EFNA4: variants seen among roughly 807,000 people sequenced by gnomAD.
EFNA4 encodes the protein ephrin-A4.
A neutral mutation model predicts 23.7 loss-of-function variants in EFNA4; 22 were observed. The ratio of observed to expected loss-of-function variants is 0.93; its 90% CI spans 0.66 to 1.32. The LOEUF (loss-of-function observed/expected upper bound fraction) is 1.32. Among genes scored for constraint, EFNA4 ranks in the 40% most tolerant of loss-of-function variants. EFNA4 has a pLI of 0.00. For missense variants in EFNA4, 252 were observed against 252.3 expected (o/e 1.00, Z 0.01); for synonymous variants, 113 against 108.3 (o/e 1.04, Z -0.27).
chr1:155,066,677 G>A, intron 1 of EFNA4, 53 bp from the exon 2 acceptor site: 1 of 1,517,480 alleles, frequency 6.6e-7, no homozygotes, highest in South Asian at 1.3e-5. Flanking sequence ...GGCATCCATG[G>A]CCATGGCGTG....
intron 1 of EFNA4, among the ~76,000 whole-genome samples, chr1:155,064,344 C>G (rs2102439149): frequency 6.6e-6 from 1 of 152,370 alleles, no homozygotes; most frequent in South Asian, 2.1e-4. Flanking sequence ...ACTCTCCTGC[C>G]CGCTGGGTCT....
At position 155,069,055 on chromosome 1, in the gene EFNA4, G is replaced by C. The variant is rs759796184; in HGVS notation, c.*66G>C. The C allele has an allele frequency of 6.2e-7, 1 of 1,611,816 alleles. No individual in the cohort carries two copies. The highest frequency in any genetic ancestry group is 1.1e-5 in the South Asian group (1 of 90,950). On this transcript the variant is annotated 3_prime_UTR_variant, in exon 4 of 4. Coordinates refer to ENST00000368409, the MANE Select transcript of EFNA4 (RefSeq NM_005227.3). ...CTCCCAAGATCCCCTGGAGGAGGAG[G>C]GATCCCTGCTGCCTGCACTGGGGGT...
chr1:155,065,194 G>A (rs1182981250), intron 1 of EFNA4, among the ~76,000 whole-genome samples: 1 of 152,192 alleles, frequency 6.6e-6, no homozygotes, highest in Non-Finnish European at 1.5e-5. Flanking sequence ...CTCAGCTTGC[G>A]TTCTAGTAAG....
At position 155,066,810 on chromosome 1, in the gene EFNA4, G is replaced by A. The variant is rs370756589; in HGVS notation, c.194G>A (p.Gly65Glu). The A allele has an allele frequency of 4.3e-6, 7 of 1,613,658 alleles. No individual in the cohort carries two copies. The African/African-American group carries it at 5.3e-5, about 12-fold the overall frequency. ...GTCTGCCCCCACTACGAAGGCCCAGGGCCCCCTGAGGGCCCCGAGACGTTT... is the reference window on the plus strand; with the variant it reads ...GTCTGCCCCCACTACGAAGGCCCAGAGCCCCCTGAGGGCCCCGAGACGTTT... Reference protein sequence around the residue: ...DIVCPHYEGPGPPEGPETFAL... With the variant: ...DIVCPHYEGPEPPEGPETFAL... Residue 65 changes from glycine (G) to glutamate (E), a missense_variant, in exon 2 of 4, where the codon GGG becomes GAG. Coordinates refer to ENST00000368409, the MANE Select transcript of EFNA4 (RefSeq NM_005227.3).
rs61811914 is a variant in EFNA4 at position 155,063,942 on chromosome 1, C to T, written c.113+6C>T. The T allele has an allele frequency of 6.5e-7, 1 of 1,538,214 alleles. No individual in the cohort carries two copies. The highest frequency in any genetic ancestry group is 8.7e-7 in the Non-Finnish European group (1 of 1,143,442). On this transcript the variant is annotated splice_donor_region_variant and intron_variant, in intron 1 of 3. Transcript: ENST00000368409. The surrounding 1 kb of genome is among the most constrained non-coding windows in gnomAD (Gnocchi z 4.1). ...TGGAACTCCAGTAACCCCAGGTAGC[C>T]GGGCCGAACCGGGCGAGCGCACAGC...
intron 1 of EFNA4, 139 bp downstream of exon 1, chr1:155,064,075 AG>A (rs1394881815): frequency 2.3e-5 from 5 of 218,586 alleles, no homozygotes; most frequent in South Asian, 4.7e-5. Context: ...CCGGCGGGGG[AG>A]GGGGGAGGGG....
chr1:155,064,935 A>G (rs1426303183), intron 1 of EFNA4, among the ~76,000 whole-genome samples: 1 of 152,230 alleles, frequency 6.6e-6, no homozygotes, highest in Non-Finnish European at 1.5e-5. Flanking sequence ...ACAGGTCATT[A>G]CAATACCAAT....
chr1:155,066,607 T>G (rs1273121940), intron 1 of EFNA4, 123 bp from the exon 2 acceptor site: 1 of 1,228,180 alleles, frequency 8.1e-7, no homozygotes, highest in African/African-American at 1.5e-5. Flanking sequence ...CTTCCTGAGC[T>G]GCTCCATCGC....
intron 1 of EFNA4, 27 bp from the exon 2 acceptor site, chr1:155,066,703 C>T: frequency 6.5e-7 from 1 of 1,543,180 alleles, no homozygotes; most frequent in South Asian, 1.3e-5. Flanking sequence ...CTCCACTCCT[C>T]AGCCCACCCC....
chr1:155,068,798 G>A (rs1663110919), intron 3 of EFNA4, 55 bp from the exon 4 acceptor site: 1 of 1,531,870 alleles, frequency 6.5e-7, no homozygotes, highest in African/African-American at 1.4e-5. Flanking sequence ...GGAAGGGGAG[G>A]AAGGAGGATG....
intron 1 of EFNA4, among the ~76,000 whole-genome samples, chr1:155,066,483 G>C (rs1338992391): frequency 6.6e-6 from 1 of 152,234 alleles, no homozygotes; most frequent in African/African-American, 2.4e-5. Context: ...CATCTAAGCT[G>C]TGTGGTTATG....
chr1:155,068,779 C>A, intron 3 of EFNA4, 74 bp from the exon 4 acceptor site: 1 of 1,468,396 alleles, frequency 6.8e-7, no homozygotes, highest in Non-Finnish European at 9.2e-7. Flanking sequence ...AAGGAGGGAA[C>A]TGCTAATGGG....
intron 3 of EFNA4, among the ~76,000 whole-genome samples, chr1:155,068,261 CTTT>C (rs35275098): frequency 8.3e-4 from 118 of 141,570 alleles, no homozygotes; most frequent in Middle Eastern, 3.5e-3. Context: ...TCACTGCACA[CTTT>C]TTTTTTTTTT....
Position 155,069,399 on chromosome 1 carries a change from C to T in EFNA4, c.*410C>T. On this transcript the variant is annotated 3_prime_UTR_variant, in exon 4 of 4. Coordinates refer to ENST00000368409, the MANE Select transcript of EFNA4 (RefSeq NM_005227.3). ...CCATCTGTGCCCTGTGGGCCTTTTC[C>T]CTGGGGCAGCACCTTGCCCTCCCCA... is the stretch of plus-strand genomic sequence containing the variant. 2 of 525,994 alleles carry T rather than the reference C, an allele frequency of 3.8e-6. No homozygotes were observed. Among genetic ancestry groups the T allele is most frequent in the Non-Finnish European group, 6.6e-6 (2 of 305,134 alleles). 32.6% of individuals were successfully genotyped at this position (525,994 alleles called of 1,614,324 possible).
chr1:155,065,621 G>A (rs1286832269), intron 1 of EFNA4, among the ~76,000 whole-genome samples: 5 of 151,168 alleles, frequency 3.3e-5, no homozygotes, highest in South Asian at 2.1e-4. Context: ...CTCACTACAG[G>A]AACTTGCGGA....
chr1:155,068,427 A>ATTTTTT (rs71077978), intron 3 of EFNA4, among the ~76,000 whole-genome samples: 404 of 25,372 alleles, frequency 0.016, 160 homozygotes, highest in East Asian at 0.053. Context: ...CACCCAGCTG[A>ATTTTTT]TTTTTTTTTT....
At position 155,067,523 on chromosome 1, in the gene EFNA4, T is replaced by G. The variant is rs1021101939; in HGVS notation, c.469+83T>G. The G allele has an allele frequency of 5.0e-5, 76 of 1,508,588 alleles. 1 individual carries two copies. The highest frequency in any genetic ancestry group is 4.5e-5 in the East Asian group (2 of 44,266). 93.5% of individuals were successfully genotyped at this position (1,508,588 alleles called of 1,614,324 possible). Reference sequence around the variant, plus strand: ...AAGGAGTGAGAAGAATCTAGGAGGATCAGACTCCAGGGGTCCTGGTGAAGC... The same window carrying G: ...AAGGAGTGAGAAGAATCTAGGAGGAGCAGACTCCAGGGGTCCTGGTGAAGC... On this transcript the variant is annotated intron_variant, in intron 3 of 3. Transcript: ENST00000368409.
chr1:155,067,484 C>T (rs1188700126), intron 3 of EFNA4, 44 bp downstream of exon 3: 1 of 1,606,040 alleles, frequency 6.2e-7, no homozygotes, highest in African/African-American at 1.3e-5. Context: ...AATGTGGGGC[C>T]TTGGGAAGGA....
Position 155,066,816 on chromosome 1 carries a change from C to G in EFNA4, c.200C>G (p.Pro67Arg), listed in dbSNP as rs1553267556. 5 of 1,613,950 alleles carry G rather than the reference C, an allele frequency of 3.1e-6. No homozygotes were observed. In the South Asian group the frequency reaches 4.4e-5, roughly 14 times the overall value. ...VCPHYEGPGPPEGPETFALYM... is the reference protein window; with the variant it reads ...VCPHYEGPGPREGPETFALYM... ...CCCCACTACGAAGGCCCAGGGCCCC[C>G]TGAGGGCCCCGAGACGTTTGCTTTG... Residue 67 changes from proline (P) to arginine (R), a missense_variant, in exon 2 of 4, where the codon CCT (proline) becomes CGT (arginine). Transcript: ENST00000368409.
Sources: gnomAD v4.1 joint callset for allele counts (sites outside exome capture counted in the v4.1 genomes callset) on GRCh38, gnomAD v4.1.1 for gene constraint, Gnocchi (gnomAD v3.1) non-coding constraint, MANE v1.5 for transcripts, NCBI Gene and HGNC (gene_info 2026-07-23, HGNC 2026-07-21) for gene names.